The following GUSB variants were observed in gnomAD, a reference collection of about 807,000 sequenced individuals.
GUSB encodes the protein beta-glucuronidase.
A neutral mutation model predicts 74.6 loss-of-function variants in GUSB; 51 were observed. That is an observed-to-expected ratio of 0.68 (90% confidence interval 0.55 to 0.86). The LOEUF (loss-of-function observed/expected upper bound fraction) is 0.86, where lower values mean the gene tolerates loss of function less well. Among genes scored for constraint, GUSB ranks in the 40% least tolerant of loss-of-function variants. The pLI is 0.00. For synonymous variants in GUSB, 360 were observed against 348.3 expected (o/e 1.03, Z -0.37); for missense variants, 736 against 853.7 (o/e 0.86, Z 1.72).
Position 65,960,911 on chromosome 7 carries a change from T to G in GUSB, c.1942A>C (p.Ser648Arg), listed in dbSNP as rs776024156. Residue 648 changes from serine to arginine, a missense_variant, in exon 12 of 12, where the codon AGC becomes CGC. This residue lies in a region of GUSB where 368 missense variants were observed against 489.9 expected (regional missense o/e 0.75). Transcript: ENST00000304895. Reference protein sequence around the residue: ...SVAKSQCLENSLFT With the variant: ...SVAKSQCLENRLFT ...ATCAGTCTTGCTCAAGTAAACAGGC[T>G]GTTTTCCAAACATTGTGACTTGGCT... 20 of 1,613,862 alleles carry G rather than the reference T, an allele frequency of 1.2e-5. No homozygotes were observed. The highest frequency in any genetic ancestry group is 1.6e-5 in the Non-Finnish European group (19 of 1,179,906).
intron 11 of GUSB, among the ~76,000 whole-genome samples, chr7:65,961,746 G>C (rs765991786): frequency 6.6e-6 from 1 of 152,200 alleles, no homozygotes; most frequent in East Asian, 1.9e-4. Context: ...GCTCATGCCT[G>C]TAATCCCAGC....
Position 65,979,926 on chromosome 7 carries a change from G to A in GUSB, c.397-15C>T. ...CCATTCACCCACTGCAGACACAGGA[G>A]ATACGGGGAGGGGGCTGCAGGTCAG... On this transcript the variant is annotated splice_polypyrimidine_tract_variant and intron_variant, in intron 2 of 11. Transcript: ENST00000304895. The A allele has an allele frequency of 6.4e-7, 1 of 1,571,756 alleles. No homozygotes were observed. Among genetic ancestry groups the A allele is most frequent in the Non-Finnish European group, 8.6e-7 (1 of 1,161,510 alleles).
At chr7:65,963,578 C>T (rs768039176) in intron 11 of GUSB, among the ~76,000 whole-genome samples, 1 of 74,536 alleles carries the variant, frequency 1.3e-5, no homozygotes, top group African/African-American at 3.2e-5. Context: ...ACAAGTCTCA[C>T]TCTGTTGTCC....
intron 4 of GUSB, among the ~76,000 whole-genome samples, chr7:65,977,015 C>T (rs948755102): frequency 3.3e-5 from 5 of 152,054 alleles, no homozygotes; most frequent in East Asian, 1.9e-4. Flanking sequence ...AACCAGAGGA[C>T]GGCCCAGAAC....
intron 5 of GUSB, chr7:65,975,443 G>A (rs1385211436): frequency 1.5e-5 from 5 of 336,414 alleles, no homozygotes; most frequent in Non-Finnish European, 2.3e-5. Flanking sequence ...GGAGTGCAGT[G>A]GTGTGATCTC....
intron 6 of GUSB, 99 bp from the exon 7 acceptor site, chr7:65,974,803 A>C: frequency 1.9e-6 from 3 of 1,546,080 alleles, no homozygotes; most frequent in Non-Finnish European, 2.7e-6. Context: ...CCCCCTCTCC[A>C]TTTGGAGCCA....
Position 65,970,291 on chromosome 7 carries a change from T to C in GUSB, c.1467A>G (p.Ala489=), listed in dbSNP as rs1378396395. The C allele has an allele frequency of 1.9e-6, 3 of 1,610,936 alleles. No homozygotes were observed. The highest frequency in any genetic ancestry group is 1.7e-6 in the Non-Finnish European group (2 of 1,177,448). The change falls in exon 9 of 12, where the codon GCA becomes GCG. Residue 489 remains alanine, a synonymous_variant. Coordinates refer to ENST00000304895, the MANE Select transcript of GUSB (RefSeq NM_000181.4). The part of the protein sequence containing the change: ...VTFVSNSNYA[A]DKGAPYVDVI... ...GGACCCCCAGGCTCACCCCCTTGTC[T>C]GCTGCATAGTTAGAGTTGCTCACAA...
rs1271938839 is a variant in GUSB at position 65,974,412 on chromosome 7, T to C, written c.1274A>G (p.His425Arg). The change falls in exon 8 of 12, where the codon CAC becomes CGC. Residue 425 changes from histidine (H) to arginine (R), a missense_variant. Physicochemically the swap from His to Arg is conservative, Grantham distance 29. Coordinates refer to ENST00000304895, the MANE Select transcript of GUSB (RefSeq NM_000181.4). ...PQFFNNVSLH[H>R]HMQVMEEVVR... ...CACTTCTTCCATCACCTGCATGTGG[T>C]GATGCAGAGAAACGTTGTTGAAGAA... The C allele has an allele frequency of 6.2e-7, 1 of 1,613,934 alleles. No homozygotes were observed. The highest frequency in any genetic ancestry group is 1.3e-5 in the African/African-American group (1 of 74,902).
chr7:65,963,117 C>T (rs1431841159), intron 11 of GUSB, among the ~76,000 whole-genome samples: 2 of 152,106 alleles, frequency 1.3e-5, no homozygotes, highest in Admixed American at 6.5e-5. Flanking sequence ...CTTGGCCTCC[C>T]AAAGTGCTGG....
At chr7:65,963,455 C>T (rs1475850159) in intron 11 of GUSB, among the ~76,000 whole-genome samples, 1 of 152,158 alleles carries the variant, frequency 6.6e-6, no homozygotes, top group African/African-American at 2.4e-5. Flanking sequence ...ATGGTAAGTC[C>T]ATAAACTAAG....
Position 65,974,607 on chromosome 7 carries a change from T to C in GUSB, c.1163A>G (p.Tyr388Cys), listed in dbSNP as rs759010501. Residue 388 changes from tyrosine (Y) to cysteine (C), a missense_variant, in exon 7 of 12, where the codon TAT (tyrosine) becomes TGT (cysteine). Coordinates refer to ENST00000304895, the MANE Select transcript of GUSB (RefSeq NM_000181.4). ...ANAFRTSHYP[Y>C]AEEVMQMCDR... The stretch of plus-strand genomic sequence containing the variant: ...ACACATCTGCATCACTTCCTCTGCA[T>C]AGGGGTAGTGGCTGGTACGGAAAGC... 16 of 1,613,762 alleles carry C rather than the reference T, an allele frequency of 9.9e-6. No individual in the cohort carries two copies. Among genetic ancestry groups the C allele is most frequent in the South Asian group, 1.1e-5 (1 of 91,078 alleles).
intron 11 of GUSB, among the ~76,000 whole-genome samples, chr7:65,962,148 G>A (rs1399125141): frequency 6.6e-6 from 1 of 152,210 alleles, no homozygotes; most frequent in Non-Finnish European, 1.5e-5. Context: ...CCTTTCTGAA[G>A]AGATAGCGCC....
At chr7:65,962,443 A>G (rs1790558859) in intron 11 of GUSB, among the ~76,000 whole-genome samples, 1 of 152,266 alleles carries the variant, frequency 6.6e-6, no homozygotes, top group African/African-American at 2.4e-5. Context: ...AAGTGAACAC[A>G]GGCATCGCCA....
chr7:65,979,610 C>T (rs1791846418), intron 3 of GUSB, 69 bp from the exon 4 acceptor site: 1 of 1,597,620 alleles, frequency 6.3e-7, no homozygotes, highest in Non-Finnish European at 8.6e-7. Flanking sequence ...CACAGGCCTC[C>T]CTGGCCTCCC....
Position 65,980,213 on chromosome 7 carries a change from G to A in GUSB, c.396+11C>T, listed in dbSNP as rs1201919553. ...CCCCCACCCGCCCTGCCTGCTCCTGGCCGCACTGACCACGATGGCATAGGA... is the reference window on the plus strand; with the variant it reads ...CCCCCACCCGCCCTGCCTGCTCCTGACCGCACTGACCACGATGGCATAGGA... On this transcript the variant is annotated intron_variant, in intron 2 of 11. Transcript: ENST00000304895. 6.3e-6 allele frequency: 6 copies of A among 950,288 alleles called. No individual in the cohort carries two copies. The highest frequency in any genetic ancestry group is 9.0e-6 in the Non-Finnish European group (6 of 663,460). 58.9% of individuals were successfully genotyped at this position (950,288 alleles called of 1,614,324 possible). A position where few individuals can be genotyped will look rare whatever the true frequency, so the allele number is the denominator to read the frequency against.
At chr7:65,980,952 C>A in intron 1 of GUSB, 1 of 203,734 alleles carries the variant, frequency 4.9e-6, no homozygotes, top group South Asian at 8.5e-5. Flanking sequence ...CGTCCTGGGC[C>A]TGATGTCATG....
chr7:65,968,730 G>A (rs1211925041), intron 9 of GUSB, among the ~76,000 whole-genome samples: 1 of 152,160 alleles, frequency 6.6e-6, no homozygotes, highest in Non-Finnish European at 1.5e-5. Context: ...AGGATTACAG[G>A]CGTGCGCCAC....
Position 65,980,251 on chromosome 7 carries a change from A to C in GUSB, c.369T>G (p.Ile123Met). The change falls in exon 2 of 12, where the codon ATT (isoleucine) becomes ATG (methionine). Residue 123 changes from isoleucine (I) to methionine (M), a missense_variant. By Grantham distance (10) the Ile-to-Met change is conservative. Coordinates refer to ENST00000304895, the MANE Select transcript of GUSB (RefSeq NM_000181.4). ...QDLRTRVVLR[I>M]GSAHSYAIVW... The stretch of plus-strand genomic sequence containing the variant: ...CGATGGCATAGGAATGGGCACTGCC[A>C]ATCCTCAGCACCACTCTTGTGCGCA... The C allele has an allele frequency of 6.9e-7, 1 of 1,440,330 alleles. No individual in the cohort carries two copies. The allele number at this position is 1,440,330 out of a possible 1,614,324, so 89.2% of individuals were successfully genotyped here.
intron 11 of GUSB, among the ~76,000 whole-genome samples, chr7:65,963,360 G>A (rs1197837901): frequency 6.6e-6 from 1 of 151,840 alleles, no homozygotes; most frequent in Non-Finnish European, 1.5e-5. Flanking sequence ...CCTTTCAAAG[G>A]CCTGTCTTTC....
Sources: allele counts gnomAD v4.1 joint callset (sites outside exome capture counted in the v4.1 genomes callset), GRCh38; gene constraint gnomAD v4.1.1; regional missense constraint gnomAD v4.1.1; transcripts MANE v1.5; gene names NCBI Gene and HGNC (gene_info 2026-07-23, HGNC 2026-07-21).